ME3: variants seen among roughly 807,000 people sequenced by gnomAD.
ME3 encodes malic enzyme 3, also known as NADP-dependent malic enzyme, mitochondrial.
A neutral mutation model predicts 68.9 loss-of-function variants in ME3; 48 were observed. That is an observed-to-expected ratio of 0.70 (90% CI 0.55 to 0.89). The LOEUF (loss-of-function observed/expected upper bound fraction) is 0.89. ME3 is among the 40% of genes least tolerant of loss of function. The pLI is 0.00. For synonymous variants in ME3, 320 were observed against 318.8 expected (o/e 1.00, Z -0.04); for missense variants, 675 against 797.4 (o/e 0.85, Z 1.85).
chr11:86,663,011 T>C (rs1347304234), intron 2 of ME3, among the ~76,000 whole-genome samples: 1 of 152,024 alleles, frequency 6.6e-6, no homozygotes, highest in African/African-American at 2.4e-5. Flanking sequence ...CAAAGCAAAA[T>C]AGAACAAAAC....
intron 4 of ME3, among the ~76,000 whole-genome samples, chr11:86,514,201 A>G (rs977816411): frequency 7.2e-5 from 11 of 152,264 alleles, no homozygotes; most frequent in African/African-American, 2.4e-4. Context: ...CACCATAATC[A>G]TAAGTTTCCT....
At chr11:86,514,086 G>A (rs1594246091) in intron 4 of ME3, among the ~76,000 whole-genome samples, 1 of 152,094 alleles carries the variant, frequency 6.6e-6, no homozygotes, top group Non-Finnish European at 1.5e-5. Flanking sequence ...TAGTGAGTGA[G>A]TTCTCATGAG....
At chr11:86,541,489 G>C (rs909156191) in intron 4 of ME3, among the ~76,000 whole-genome samples, 1 of 152,208 alleles carries the variant, frequency 6.6e-6, no homozygotes, top group African/African-American at 2.4e-5. Flanking sequence ...ACTGAGGTTT[G>C]AGTAGGTGGT....
chr11:86,632,461 C>T (rs925829343), intron 2 of ME3, among the ~76,000 whole-genome samples: 1 of 152,170 alleles, frequency 6.6e-6, no homozygotes. Flanking sequence ...TATTCTTTTA[C>T]TTTAGCAGGG....
Position 86,556,756 on chromosome 11 carries a change from GC to G in ME3, c.318-55del, listed in dbSNP as rs2139445508. 4 of 1,578,284 alleles carry G rather than the reference GC, an allele frequency of 2.5e-6. No homozygotes were observed. The South Asian group carries it at 4.6e-5, about 18-fold the overall frequency. On this transcript the variant is annotated intron_variant, in intron 3 of 14. Transcript: ENST00000543262. ...ACATGTGGTAGCAGCAGGCCCTGATGCCTCTGTGGTGTGGTGCAAAGACCCA... is the reference window on the plus strand; with the variant it reads ...ACATGTGGTAGCAGCAGGCCCTGATGCTCTGTGGTGTGGTGCAAAGACCCA...
intron 6 of ME3, among the ~76,000 whole-genome samples, chr11:86,493,013 A>T (rs1952092124): frequency 6.6e-6 from 1 of 152,178 alleles, no homozygotes. Flanking sequence ...TGGGAAACTC[A>T]GCTAAGCCTG....
At chr11:86,444,727 G>T (rs941815540) in intron 13 of ME3, among the ~76,000 whole-genome samples, 1 of 152,196 alleles carries the variant, frequency 6.6e-6, no homozygotes, top group African/African-American at 2.4e-5. Context: ...TTACAGAGTT[G>T]TTACAATGAA....
intron 4 of ME3, among the ~76,000 whole-genome samples, chr11:86,513,827 A>G (rs1953704026): frequency 6.6e-6 from 1 of 151,946 alleles, no homozygotes; most frequent in African/African-American, 2.4e-5. Context: ...TACCTCTTCA[A>G]TGACCTCAGC....
chr11:86,592,988 T>A (rs1403019535), intron 2 of ME3, among the ~76,000 whole-genome samples: 2 of 152,136 alleles, frequency 1.3e-5, no homozygotes, highest in East Asian at 3.9e-4. Context: ...AGCTCCCTTA[T>A]CTATTAACCT....
intron 7 of ME3, among the ~76,000 whole-genome samples, chr11:86,476,274 C>G (rs1043328332): frequency 1.3e-5 from 2 of 152,172 alleles, no homozygotes; most frequent in Non-Finnish European, 2.9e-5. Flanking sequence ...AAAGGACATT[C>G]AAGGCTGGGA....
intron 3 of ME3, among the ~76,000 whole-genome samples, chr11:86,557,150 A>C (rs192798410): frequency 6.6e-6 from 1 of 152,294 alleles, no homozygotes; most frequent in East Asian, 1.9e-4. Context: ...TAGCATAATA[A>C]TATTCTGGAG....
intron 12 of ME3, chr11:86,446,745 G>A: frequency 1.7e-6 from 1 of 596,074 alleles, no homozygotes; most frequent in South Asian, 2.1e-5. Context: ...TCCTGGTGGG[G>A]CCAACCCAGG....
chr11:86,671,778 T>C, exon 2 of ME3: 1 of 1,603,806 alleles, frequency 6.2e-7, no homozygotes, highest in South Asian at 1.1e-5. Context: ...GAGATGAGGG[T>C]TCCTGGTGAC....
At chr11:86,645,633 T>C (rs1463011888) in intron 2 of ME3, among the ~76,000 whole-genome samples, 5 of 152,116 alleles carry the variant, frequency 3.3e-5, no homozygotes, top group Admixed American at 1.3e-4. Context: ...CTTCAGCAGA[T>C]TTAAATGTTC....
intron 2 of ME3, among the ~76,000 whole-genome samples, chr11:86,658,559 ACT>A (rs997765875): frequency 3.8e-4 from 57 of 151,998 alleles, no homozygotes; most frequent in African/African-American, 1.3e-3. Context: ...GAGGCAGCTG[ACT>A]CTGTCCAGTT....
At chr11:86,478,379 C>G (rs1264089581) in intron 7 of ME3, among the ~76,000 whole-genome samples, 1 of 144,012 alleles carries the variant, frequency 6.9e-6, no homozygotes, top group Admixed American at 7.0e-5. Context: ...GCCATTTTAG[C>G]AGAGATGTCA....
At chr11:86,471,379 C>T (rs1206609431) in intron 7 of ME3, among the ~76,000 whole-genome samples, 1 of 151,926 alleles carries the variant, frequency 6.6e-6, no homozygotes, top group Non-Finnish European at 1.5e-5. Flanking sequence ...CATGATCCAC[C>T]CACCTTGGCC....
chr11:86,510,421 G>A (rs564444912), intron 4 of ME3, among the ~76,000 whole-genome samples: 5 of 151,966 alleles, frequency 3.3e-5, no homozygotes, highest in East Asian at 3.9e-4. Context: ...AAGTCATCCC[G>A]CCATTATGCA....
exon 8 of ME3, chr11:86,465,134 G>A (rs765404322): frequency 6.2e-7 from 1 of 1,613,888 alleles, no homozygotes; most frequent in Admixed American, 1.7e-5. Context: ...TACGGTATTT[G>A]TTGAGCAGGC....
Sources: gnomAD v4.1 joint callset for allele counts (sites outside exome capture counted in the v4.1 genomes callset) on GRCh38, gnomAD v4.1.1 for gene constraint, MANE v1.5 for transcripts, NCBI Gene and HGNC (gene_info 2026-07-23, HGNC 2026-07-21) for gene names.